The following ESRRB variants were observed in gnomAD, a reference collection of about 807,000 sequenced individuals.
ESRRB encodes estrogen related receptor beta.
ESRRB carries 16 observed loss-of-function variants against 46.0 expected under a neutral mutation model. That is an observed-to-expected ratio of 0.35 (90% confidence interval 0.24 to 0.53). The LOEUF (loss-of-function observed/expected upper bound fraction) is 0.53. Ranked by LOEUF, ESRRB falls within the 20% of genes least tolerant of loss-of-function variation. The pLI is 0.93. For missense variants in ESRRB, 488 were observed against 607.4 expected (o/e 0.80, Z 2.07); for synonymous variants, 246 against 259.6 (o/e 0.95, Z 0.50).
intron 1 of ESRRB, among the ~76,000 whole-genome samples, chr14:76,322,434 T>C (rs1356085451): frequency 6.6e-6 from 1 of 152,206 alleles, no homozygotes. Context: ...CACGTGCTCA[T>C]TTTCCCCTAC....
intron 1 of ESRRB, among the ~76,000 whole-genome samples, chr14:76,383,936 G>T (rs1885116233): frequency 6.6e-6 from 1 of 152,124 alleles, no homozygotes; most frequent in Non-Finnish European, 1.5e-5. Context: ...CTGCAGGTAT[G>T]GGTGAGGATA....
upstream of ESRRB, among the ~76,000 whole-genome samples, chr14:76,375,309 G>T (rs1162184943): frequency 1.3e-5 from 2 of 152,224 alleles, no homozygotes; most frequent in African/African-American, 4.8e-5. Flanking sequence ...TTCACTGAGG[G>T]AGCAGCGGAC....
At chr14:76,446,070 C>T (rs145711556) in intron 2 of ESRRB, among the ~76,000 whole-genome samples, 46 of 152,332 alleles carry the variant, frequency 3.0e-4, no homozygotes, top group Middle Eastern at 6.8e-3. Context: ...GGGCAAACTA[C>T]GGCCTGTAAG....
intron 1 of ESRRB, among the ~76,000 whole-genome samples, chr14:76,357,432 A>G (rs1046320377): frequency 1.3e-5 from 2 of 152,232 alleles, no homozygotes; most frequent in Admixed American, 6.5e-5. Context: ...AGCAGCCTAC[A>G]TATGGGGGAA....
At chr14:76,442,837 CAG>C (rs1887978118) in intron 2 of ESRRB, among the ~76,000 whole-genome samples, 1 of 123,088 alleles carries the variant, frequency 8.1e-6, no homozygotes, top group African/African-American at 3.1e-5. Context: ...TTTTTTGAGA[CAG>C]AGTCTCACTC....
At chr14:76,355,371 A>G (rs1884367241) in intron 1 of ESRRB, among the ~76,000 whole-genome samples, 1 of 152,022 alleles carries the variant, frequency 6.6e-6, no homozygotes, top group Non-Finnish European at 1.5e-5. Context: ...CTCACTCCCC[A>G]TTGCCCATCC....
At chr14:76,402,359 G>A (rs903547204) in intron 1 of ESRRB, among the ~76,000 whole-genome samples, 1 of 152,206 alleles carries the variant, frequency 6.6e-6, no homozygotes, top group Non-Finnish European at 1.5e-5. Context: ...GCATTTTAGT[G>A]TAGTAAAGGT....
intron 2 of ESRRB, among the ~76,000 whole-genome samples, chr14:76,449,625 G>A (rs529878596): frequency 6.6e-6 from 1 of 152,116 alleles, no homozygotes; most frequent in African/African-American, 2.4e-5. Context: ...AGCATTGATT[G>A]CGGTCTTCTT....
intron 1 of ESRRB, among the ~76,000 whole-genome samples, chr14:76,360,409 GAGAGAGAGAC>G (rs550780284): frequency 1.3e-5 from 2 of 151,620 alleles, no homozygotes; most frequent in Admixed American, 6.6e-5. Flanking sequence ...GGGAGAGGGA[GAGAGAGAGAC>G]AGAGAGAGAC....
At chr14:76,363,272 A>G (rs1884485349) in intron 1 of ESRRB, among the ~76,000 whole-genome samples, 1 of 152,214 alleles carries the variant, frequency 6.6e-6, no homozygotes, top group Non-Finnish European at 1.5e-5. Context: ...TTACCTCCAA[A>G]GGGGACCTCC....
At chr14:76,444,916 A>G (rs945343291) in intron 2 of ESRRB, among the ~76,000 whole-genome samples, 7 of 151,994 alleles carry the variant, frequency 4.6e-5, no homozygotes, top group African/African-American at 1.7e-4. Context: ...TAATGGTAGC[A>G]CTTTGGGAGG....
intron 1 of ESRRB, among the ~76,000 whole-genome samples, chr14:76,427,452 G>C (rs2139903624): frequency 6.6e-6 from 1 of 152,070 alleles, no homozygotes; most frequent in African/African-American, 2.4e-5. Flanking sequence ...CTAGTGCTTG[G>C]CAGTCAGTTC....
At chr14:76,474,849 A>C (rs766041835) in intron 3 of ESRRB, among the ~76,000 whole-genome samples, 8 of 131,250 alleles carry the variant, frequency 6.1e-5, no homozygotes, top group Non-Finnish European at 1.2e-4. Context: ...ACAAAACAAA[A>C]CAAACCATTA....
At chr14:76,334,442 T>C (rs1884102196) in intron 1 of ESRRB, among the ~76,000 whole-genome samples, 1 of 152,190 alleles carries the variant, frequency 6.6e-6, no homozygotes, top group African/African-American at 2.4e-5. Context: ...ACTCCAAAAC[T>C]GTTGCAGCCT....
At chr14:76,327,763 G>A (rs962684224) in intron 1 of ESRRB, among the ~76,000 whole-genome samples, 1 of 152,114 alleles carries the variant, frequency 6.6e-6, no homozygotes, top group African/African-American at 2.4e-5. Context: ...TTGTGCAGTG[G>A]TGTGATCTTG....
chr14:76,343,200 G>A (rs1884212039), intron 1 of ESRRB, among the ~76,000 whole-genome samples: 1 of 152,224 alleles, frequency 6.6e-6, no homozygotes, highest in African/African-American at 2.4e-5. Context: ...AAGTGAGAGG[G>A]AGGGTGGTCC....
At chr14:76,436,611 AG>A (rs1013369994) in intron 1 of ESRRB, among the ~76,000 whole-genome samples, 17 of 152,316 alleles carry the variant, frequency 1.1e-4, no homozygotes, top group African/African-American at 3.8e-4. Context: ...GCCTCGTGGA[AG>A]GGTGCCTGAG....
chr14:76,350,270 G>A (rs1321457758), intron 1 of ESRRB, among the ~76,000 whole-genome samples: 1 of 152,156 alleles, frequency 6.6e-6, no homozygotes, highest in Non-Finnish European at 1.5e-5. Context: ...GCCAGCCAGG[G>A]GTGTGGGTAG....
At chr14:76,337,832 C>T (rs1031113800) in intron 1 of ESRRB, among the ~76,000 whole-genome samples, 2 of 152,214 alleles carry the variant, frequency 1.3e-5, no homozygotes, top group African/African-American at 4.8e-5. Context: ...GCCACGGCCT[C>T]AGGTAGGAGT....
Sources: gnomAD v4.1 joint callset for allele counts (sites outside exome capture counted in the v4.1 genomes callset) on GRCh38, gnomAD v4.1.1 for gene constraint, MANE v1.5 for transcripts, NCBI Gene and HGNC (gene_info 2026-07-23, HGNC 2026-07-21) for gene names.